Variants in ACRBP observed in about 807,000 individuals in gnomAD.
ACRBP encodes acrosin binding protein, also known as acrosin-binding protein.
A neutral mutation model predicts 69.0 loss-of-function variants in ACRBP; 52 were observed. The observed-to-expected ratio is 0.75, with a 90% CI of 0.60 to 0.95. The LOEUF (loss-of-function observed/expected upper bound fraction) is 0.95, where lower values mean the gene tolerates loss of function less well. Among genes scored for constraint, ACRBP ranks in the 40% least tolerant of loss-of-function variants. ACRBP has a pLI of 0.00. For synonymous variants in ACRBP, 267 were observed against 258.9 expected (o/e 1.03, Z -0.30); for missense variants, 604 against 673.0 (o/e 0.90, Z 1.13).
rs147903154 is a variant in ACRBP at position 6,646,565 on chromosome 12, G to C, written c.275C>G (p.Ser92Cys). 1.7e-5 allele frequency: 27 copies of C among 1,613,994 alleles called. No homozygotes were observed. In the African/African-American group the frequency reaches 2.5e-4, roughly 15 times the overall value. The stretch of plus-strand genomic sequence containing the variant: ...AAACCAGGAGGCATAAGGGAGGTTG[G>C]AGCAGACAGCACCTGAGAAAGGGCA... Reference protein sequence around the residue: ...HGLVPDGAVCSNLPYASWFES... With the variant: ...HGLVPDGAVCCNLPYASWFES... The change falls in exon 3 of 10, where the codon TCC (serine) becomes TGC (cysteine). Residue 92 changes from serine (S) to cysteine (C), a missense_variant. Coordinates refer to ENST00000229243, the MANE Select transcript of ACRBP (RefSeq NM_032489.3).
chr12:6,639,794 G>A (rs574488603), intron 8 of ACRBP, among the ~76,000 whole-genome samples: 1 of 152,208 alleles, frequency 6.6e-6, no homozygotes. Flanking sequence ...CAGCCACCCA[G>A]CAAGTAACTG....
chr12:6,642,658 T>C (rs916916979), intron 6 of ACRBP, among the ~76,000 whole-genome samples: 1 of 152,254 alleles, frequency 6.6e-6, no homozygotes, highest in African/African-American at 2.4e-5. Context: ...TGGATTTATA[T>C]AGGACAAGTA....
At chr12:6,645,119 C>T in intron 4 of ACRBP, 101 bp downstream of exon 4, 1 of 946,812 alleles carries the variant, frequency 1.1e-6, no homozygotes. Context: ...CCCCTTCCCG[C>T]CCAACATGCT....
chr12:6,638,181 G>A lies in ACRBP; in HGVS notation c.*101C>T, dbSNP rs545210881. The A allele has an allele frequency of 2.3e-5, 35 of 1,525,870 alleles. No homozygotes were observed. The highest frequency in any genetic ancestry group is 1.6e-4 in the East Asian group (7 of 44,088). 94.5% of individuals were successfully genotyped at this position (1,525,870 alleles called of 1,614,324 possible). On this transcript the variant is annotated 3_prime_UTR_variant, in exon 10 of 10. Transcript: ENST00000229243. The stretch of plus-strand genomic sequence containing the variant: ...ACCCAAGGAAATGTGAGTAGGGGCC[G>A]AGTAACAGACCCAGAAGGGGCAGCC...
Position 6,638,597 on chromosome 12 carries a change from G to A in ACRBP, c.1510-193C>T, listed in dbSNP as rs973712623. The A allele has an allele frequency of 2.2e-5, 27 of 1,223,824 alleles. No individual in the cohort carries two copies. The African/African-American group carries it at 3.2e-4, about 15-fold the overall frequency. 75.8% of individuals were successfully genotyped at this position (1,223,824 alleles called of 1,614,324 possible). A position where few individuals can be genotyped will look rare whatever the true frequency, so the allele number is the denominator to read the frequency against. ...CATCAAGCAGCCCAACCCCTTTCAT[G>A]CAGAAACAGGCGGCTGAGGCTCAGA... On this transcript the variant is annotated intron_variant, in intron 9 of 9. Coordinates refer to ENST00000229243, the MANE Select transcript of ACRBP (RefSeq NM_032489.3).
At position 6,640,021 on chromosome 12, in the gene ACRBP, G is replaced by A. The variant is rs1380112028; in HGVS notation, c.1425+39C>T. 1 of 1,609,680 alleles carries A rather than the reference G, an allele frequency of 6.2e-7. No individual in the cohort carries two copies. The highest frequency in any genetic ancestry group is 1.7e-5 in the Admixed American group (1 of 59,638). On this transcript the variant is annotated intron_variant, in intron 8 of 9. Coordinates refer to ENST00000229243, the MANE Select transcript of ACRBP (RefSeq NM_032489.3). The surrounding 1 kb of genome is among the most constrained non-coding windows in gnomAD (Gnocchi z 5.3). ...CAAGTAACTGGAAGGAATGGGGTGA[G>A]GGTAGGGATGGGGCTGAGCTTTGGG...
At chr12:6,638,551 G>T in intron 9 of ACRBP, 147 bp from the exon 10 acceptor site, 2 of 1,278,902 alleles carry the variant, frequency 1.6e-6, no homozygotes, top group Non-Finnish European at 2.2e-6. Flanking sequence ...CTCAAATGTG[G>T]GTTTTTAAAG....
Position 6,640,554 on chromosome 12 carries a change from G to A in ACRBP, c.1078-32C>T. The A allele has an allele frequency of 6.2e-7, 1 of 1,600,086 alleles. No individual in the cohort carries two copies. ...CAGGGGAATGGGTGAGGCTGAAGCT[G>A]AGAGTCAGCGGCCTGCCTTCTCCCA... On this transcript the variant is annotated intron_variant, in intron 6 of 9. Coordinates refer to ENST00000229243, the MANE Select transcript of ACRBP (RefSeq NM_032489.3). The surrounding 1 kb of genome is among the most constrained non-coding windows in gnomAD (Gnocchi z 5.3).
Position 6,643,652 on chromosome 12 carries a change from TG to T in ACRBP, c.963del (p.His321GlnfsTer19). The T allele has an allele frequency of 2.5e-6, 4 of 1,614,104 alleles. No individual in the cohort carries two copies. The highest frequency in any genetic ancestry group is 3.4e-6 in the Non-Finnish European group (4 of 1,179,984). ...TAGCACAGCACCAGCAAGGCCTCTG[TG>T]TGGGGCAGCTGCAGGAGGCTGCAAG... is the stretch of plus-strand genomic sequence containing the variant. ...QNPGSLLQLP[H>X]TEALLVLCYS... On this transcript the variant is annotated frameshift_variant, in exon 6 of 10. Transcript: ENST00000229243. LOFTEE classifies it high-confidence loss of function.
intron 6 of ACRBP, among the ~76,000 whole-genome samples, chr12:6,642,892 T>C (rs1429072192): frequency 1.3e-5 from 2 of 152,170 alleles, no homozygotes; most frequent in African/African-American, 4.8e-5. Context: ...CTATGAACTC[T>C]CTGGAAAGAA....
intron 6 of ACRBP, among the ~76,000 whole-genome samples, chr12:6,642,836 G>C (rs149545638): frequency 6.6e-6 from 1 of 152,184 alleles, no homozygotes; most frequent in Non-Finnish European, 1.5e-5. Context: ...GGTTGTTGAG[G>C]ACACATTGAG....
intron 1 of ACRBP, 102 bp from the exon 2 acceptor site, chr12:6,647,114 G>T: frequency 1.7e-6 from 2 of 1,191,200 alleles, no homozygotes; most frequent in Non-Finnish European, 2.4e-6. Flanking sequence ...CGGGGTGAGG[G>T]TTATCCCTGC....
At position 6,644,179 on chromosome 12, in the gene ACRBP, A is replaced by G. The variant is rs760567001; in HGVS notation, c.902T>C (p.Ile301Thr). The G allele has an allele frequency of 1.2e-6, 2 of 1,608,962 alleles. No individual in the cohort carries two copies. Among genetic ancestry groups the G allele is most frequent in the Non-Finnish European group, 1.7e-6 (2 of 1,176,400 alleles). The change falls in exon 5 of 10, where the codon ATA becomes ACA. Residue 301 changes from isoleucine to threonine, a missense_variant. Around this residue, in one of 3 missense-constraint regions of ACRBP, gnomAD observed 532 missense variants for 562.9 expected, o/e 0.95. Transcript: ENST00000229243. ...SAQEIDEMNE[I>T]YDENSYWRNQ... The stretch of plus-strand genomic sequence containing the variant: ...TCTCCAGTAGGAGTTCTCATCATAT[A>G]TTTCATTCATTTCATCTATTTCCTG...
rs1196146617 is a variant in ACRBP, at chr12:6,640,385, G to C, written c.1215C>G (p.Val405=). The change falls in exon 7 of 10, where the codon GTC becomes GTG. Residue 405 remains valine, a synonymous_variant. Coordinates refer to ENST00000229243, the MANE Select transcript of ACRBP (RefSeq NM_032489.3). This position sits in a 1 kb window ranked among gnomAD's most constrained non-coding sequence, Gnocchi z 5.3. The part of the protein sequence containing the change: ...QCDTSHKTPF[V]SPLLASQSLS... ...GGCTCTGGGAGGCAAGCAAGGGGCT[G>C]ACAAAGGGAGTCTTGTGGGAGGTGT... 10 of 1,614,088 alleles carry C rather than the reference G, an allele frequency of 6.2e-6. No homozygotes were observed. The highest frequency in any genetic ancestry group is 1.6e-4 in the Middle Eastern group (1 of 6,084).
rs182641274 is a variant in ACRBP at position 6,647,135 on chromosome 12, G to T, written c.44-123C>A. 6,608 of 1,101,536 alleles carry T rather than the reference G, an allele frequency of 6.0e-3. 37 individuals carry two copies. The highest frequency in any genetic ancestry group is 0.014 in the South Asian group (972 of 71,350). The allele number at this position is 1,101,536 out of a possible 1,614,324, so 68.2% of individuals were successfully genotyped here. A position where few individuals can be genotyped will look rare whatever the true frequency, so the allele number is the denominator to read the frequency against. ...GAGGGTTATCCCTGCTGACCAGGGC[G>T]GGGGGAGTCTAGAGACAGAGGCAAA... is the stretch of plus-strand genomic sequence containing the variant. On this transcript the variant is annotated intron_variant, in intron 1 of 9. Coordinates refer to ENST00000229243, the MANE Select transcript of ACRBP (RefSeq NM_032489.3).
At chr12:6,644,932 A>T (rs970657118) in intron 4 of ACRBP, among the ~76,000 whole-genome samples, 2 of 152,214 alleles carry the variant, frequency 1.3e-5, no homozygotes, top group African/African-American at 2.4e-5. Context: ...AAGTGAAGAC[A>T]TTAGCTTATA....
chr12:6,646,659 G>A (rs1949091871), intron 2 of ACRBP, 82 bp from the exon 3 acceptor site: 1 of 1,494,618 alleles, frequency 6.7e-7, no homozygotes, highest in Non-Finnish European at 9.3e-7. Context: ...ACGCCATGGG[G>A]AGGGTGGAGA....
rs558825862 is a variant in ACRBP, at chr12:6,644,517, G to A, written c.564C>T (p.Gly188=). 2 of 1,613,974 alleles carry A rather than the reference G, an allele frequency of 1.2e-6. No individual in the cohort carries two copies. Among genetic ancestry groups the A allele is most frequent in the South Asian group, 2.2e-5 (2 of 91,080 alleles). Residue 188 remains glycine, a synonymous_variant, in exon 5 of 10, where the codon GGC becomes GGT. Coordinates refer to ENST00000229243, the MANE Select transcript of ACRBP (RefSeq NM_032489.3). The part of the protein sequence containing the change: ...ELLQSSLSLG[G]QEQAPEHKQE... ...GCTTGTGCTCTGGCGCTTGCTCCTGGCCTCCCAGGGACAAGGAGGATTGTA... is the reference window on the plus strand; with the variant it reads ...GCTTGTGCTCTGGCGCTTGCTCCTGACCTCCCAGGGACAAGGAGGATTGTA...
Position 6,638,351 on chromosome 12 carries a change from G to A in ACRBP, c.1563C>T (p.Gly521=). The A allele has an allele frequency of 1.9e-6, 3 of 1,614,112 alleles. No homozygotes were observed. Among genetic ancestry groups the A allele is most frequent in the Non-Finnish European group, 2.5e-6 (3 of 1,180,026 alleles). ...QNETYSALSP[G]KSEDVVLRWS... is the part of the protein sequence containing the mutation. ...ATCGAAGCACAACGTCCTCACTTTT[G>A]CCAGGGCTCAGCGCACTGTAAGTCT... The change falls in exon 10 of 10, where the codon GGC becomes GGT. Residue 521 remains glycine, a synonymous_variant. Coordinates refer to ENST00000229243, the MANE Select transcript of ACRBP (RefSeq NM_032489.3).
Sources: gnomAD v4.1 joint callset for allele counts (sites outside exome capture counted in the v4.1 genomes callset) on GRCh38, gnomAD v4.1.1 for gene constraint, gnomAD v4.1.1 regional missense constraint, Gnocchi (gnomAD v3.1) non-coding constraint, MANE v1.5 for transcripts, NCBI Gene and HGNC (gene_info 2026-07-23, HGNC 2026-07-21) for gene names.